Variants in GULP1 observed in about 807,000 individuals in gnomAD.
GULP1 encodes the protein GULP PTB domain containing engulfment adaptor 1.
A neutral mutation model predicts 40.9 loss-of-function variants in GULP1; 19 were observed. That is an observed-to-expected ratio of 0.46 (90% confidence interval 0.32 to 0.68). The LOEUF (loss-of-function observed/expected upper bound fraction) is 0.68, where lower values mean the gene tolerates loss of function less well. GULP1 is among the 30% of genes least tolerant of loss of function. The probability of loss-of-function intolerance (pLI) is 0.03; values close to 1 mark genes in which losing one functional copy is unlikely to be tolerated. For missense variants in GULP1, 312 were observed against 362.2 expected (o/e 0.86, Z 1.12); for synonymous variants, 119 against 117.6 (o/e 1.01, Z -0.08).
intron 5 of GULP1, among the ~76,000 whole-genome samples, chr2:188,525,927 T>C (rs889408480): frequency 2.0e-5 from 3 of 152,188 alleles, no homozygotes; most frequent in East Asian, 3.8e-4. Context: ...CCCGCAGGAT[T>C]ATTAGAAATA....
At chr2:188,329,563 A>G (rs1179689502) in intron 1 of GULP1, among the ~76,000 whole-genome samples, 1 of 152,120 alleles carries the variant, frequency 6.6e-6, no homozygotes, top group Non-Finnish European at 1.5e-5. Flanking sequence ...AAATTAAGTC[A>G]GAGAGGTAGT....
At chr2:188,354,846 T>A (rs2045054015) in intron 1 of GULP1, among the ~76,000 whole-genome samples, 1 of 152,196 alleles carries the variant, frequency 6.6e-6, no homozygotes, top group African/African-American at 2.4e-5. Flanking sequence ...TGATATCAAG[T>A]ATCTTTTCTC....
chr2:188,514,904 T>G (rs1009316550), intron 4 of GULP1, among the ~76,000 whole-genome samples: 2 of 152,246 alleles, frequency 1.3e-5, no homozygotes, highest in South Asian at 4.1e-4. Flanking sequence ...TTTTATACCT[T>G]AGTAGTATTC....
chr2:188,423,352 C>T (rs1444489916), intron 2 of GULP1, among the ~76,000 whole-genome samples: 2 of 151,812 alleles, frequency 1.3e-5, no homozygotes, highest in Non-Finnish European at 2.9e-5. Context: ...TTAAATTAGA[C>T]AGTATATGAT....
At chr2:188,558,220 A>G (rs1695303570) in intron 7 of GULP1, among the ~76,000 whole-genome samples, 1 of 151,892 alleles carries the variant, frequency 6.6e-6, no homozygotes, top group Non-Finnish European at 1.5e-5. Flanking sequence ...CTCCCATAAT[A>G]CCCATATGTT....
At position 188,463,986 on chromosome 2, in the gene GULP1, T is replaced by C. The variant is rs557764511; in HGVS notation, c.-44-13673T>C. ...TCTCTGTCTGAATTCAAAGGTCACATATCTCTGTTTCTCCAGGATTGTTCC... is the reference window on the plus strand; with the variant it reads ...TCTCTGTCTGAATTCAAAGGTCACACATCTCTGTTTCTCCAGGATTGTTCC... On this transcript the variant is annotated intron_variant, in intron 2 of 11. Coordinates refer to ENST00000409830, the MANE Select transcript of GULP1 (RefSeq NM_016315.4). 7.9e-5 allele frequency among the ~76,000 whole-genome samples: 12 copies of C among 152,352 alleles called. No homozygotes were observed. In the East Asian group the frequency reaches 2.3e-3, roughly 29 times the overall value.
intron 2 of GULP1, among the ~76,000 whole-genome samples, chr2:188,414,873 G>A (rs2054380538): frequency 6.6e-6 from 1 of 152,036 alleles, no homozygotes; most frequent in South Asian, 2.1e-4. Context: ...AATCTGCCTG[G>A]CTATTTTATA....
intron 9 of GULP1, among the ~76,000 whole-genome samples, chr2:188,574,014 A>G (rs911516115): frequency 6.6e-6 from 1 of 152,206 alleles, no homozygotes; most frequent in African/African-American, 2.4e-5. Context: ...ATTTAATGCT[A>G]TAATTTGGTT....
chr2:188,511,220 C>A (rs2064503954), intron 4 of GULP1, among the ~76,000 whole-genome samples: 1 of 152,114 alleles, frequency 6.6e-6, no homozygotes, highest in African/African-American at 2.4e-5. Flanking sequence ...ACCGCTCTCA[C>A]AATAGAAACA....
chr2:188,315,710 G>GT (rs1415448642), intron 1 of GULP1, among the ~76,000 whole-genome samples: 1 of 151,950 alleles, frequency 6.6e-6, no homozygotes, highest in Non-Finnish European at 1.5e-5. Flanking sequence ...CCTGTACTAT[G>GT]TTTTTTCCTG....
At chr2:188,316,759 T>C (rs2039145766) in intron 1 of GULP1, among the ~76,000 whole-genome samples, 1 of 152,266 alleles carries the variant, frequency 6.6e-6, no homozygotes, top group Non-Finnish European at 1.5e-5. Flanking sequence ...AATAATCTGG[T>C]ATTCTTAATA....
intron 1 of GULP1, among the ~76,000 whole-genome samples, chr2:188,335,320 C>T (rs548428387): frequency 1.3e-5 from 2 of 152,204 alleles, no homozygotes; most frequent in Non-Finnish European, 2.9e-5. Flanking sequence ...ACCCTTTTCT[C>T]TCTTGATTCA....
chr2:188,427,945 G>GA (rs2056415938), intron 2 of GULP1, among the ~76,000 whole-genome samples: 1 of 152,236 alleles, frequency 6.6e-6, no homozygotes, highest in South Asian at 2.1e-4. Flanking sequence ...CAGCCCTTGA[G>GA]AGTAGCCATG....
intron 2 of GULP1, among the ~76,000 whole-genome samples, chr2:188,418,696 A>T (rs1257515561): frequency 6.6e-6 from 1 of 152,250 alleles, no homozygotes; most frequent in Non-Finnish European, 1.5e-5. Flanking sequence ...TTAATGTTTC[A>T]CAATTTTAGA....
chr2:188,399,690 G>GAAAAAAAA (rs55877284), intron 2 of GULP1, among the ~76,000 whole-genome samples: 11 of 64,650 alleles, frequency 1.7e-4, no homozygotes, highest in South Asian at 9.3e-4. Context: ...GTCCCTACAA[G>GAAAAAAAA]AAAAAAAAAA....
chr2:188,463,318 ACTTT>A (rs1266479361), intron 2 of GULP1, among the ~76,000 whole-genome samples: 3 of 152,184 alleles, frequency 2.0e-5, no homozygotes, highest in Non-Finnish European at 2.9e-5. Context: ...TGCCTTCAGC[ACTTT>A]AATTATGTCA....
intron 2 of GULP1, among the ~76,000 whole-genome samples, chr2:188,429,861 CCA>C (rs887397236): frequency 1.3e-5 from 2 of 151,692 alleles, no homozygotes; most frequent in Non-Finnish European, 2.9e-5. Context: ...CGGGCACCTG[CCA>C]CCATGCCCGG....
intron 2 of GULP1, among the ~76,000 whole-genome samples, chr2:188,396,077 C>G (rs185175715): frequency 1.5e-4 from 23 of 152,290 alleles, no homozygotes; most frequent in African/African-American, 4.8e-4. Flanking sequence ...CCTGCAGATG[C>G]TATAATGGAC....
intron 2 of GULP1, among the ~76,000 whole-genome samples, chr2:188,403,663 A>C (rs2152665607): frequency 6.6e-6 from 1 of 152,316 alleles, no homozygotes; most frequent in Middle Eastern, 3.4e-3. Context: ...TTGAGAAGGA[A>C]GCCACAGCTA....
Sources: gnomAD v4.1 joint callset for allele counts (sites outside exome capture counted in the v4.1 genomes callset) on GRCh38, gnomAD v4.1.1 for gene constraint, MANE v1.5 for transcripts, NCBI Gene and HGNC (gene_info 2026-07-23, HGNC 2026-07-21) for gene names.